RRP15: variants seen among roughly 807,000 people sequenced by gnomAD.
The protein encoded by RRP15 is RRP15-like protein.
In RRP15, 18 loss-of-function variants were observed where a neutral mutation model predicts 27.1. The ratio of observed to expected loss-of-function variants is 0.66; its 90% CI spans 0.46 to 0.98. The LOEUF (loss-of-function observed/expected upper bound fraction) is 0.98, where lower values mean the gene tolerates loss of function less well. Among genes scored for constraint, RRP15 ranks in the 50% least tolerant of loss-of-function variants. The pLI is 0.00. For missense variants in RRP15, 359 were observed against 337.8 expected (o/e 1.06, Z -0.49); for synonymous variants, 107 against 109.4 (o/e 0.98, Z 0.14).
At chr1:218,326,536 A>G (rs1484069805) in intron 4 of RRP15, among the ~76,000 whole-genome samples, 7 of 152,208 alleles carry the variant, frequency 4.6e-5, no homozygotes, top group Non-Finnish European at 8.8e-5. Flanking sequence ...AAAAAATTCA[A>G]CTGGAAGCTA....
chr1:218,299,352 A>C (rs1655774172), intron 1 of RRP15, among the ~76,000 whole-genome samples: 1 of 152,164 alleles, frequency 6.6e-6, no homozygotes, highest in Non-Finnish European at 1.5e-5. Context: ...GGTTGTATAA[A>C]ATGGTGCTAT....
At chr1:218,309,124 C>T (rs1261617911) in intron 4 of RRP15, among the ~76,000 whole-genome samples, 3 of 152,054 alleles carry the variant, frequency 2.0e-5, no homozygotes, top group Admixed American at 6.5e-5. Context: ...CTTCAGTGAT[C>T]ACAGTATTTG....
At chr1:218,289,923 C>G (rs1257209419) in intron 1 of RRP15, among the ~76,000 whole-genome samples, 1 of 152,166 alleles carries the variant, frequency 6.6e-6, no homozygotes, top group Non-Finnish European at 1.5e-5. Flanking sequence ...CTCAGGTGAT[C>G]CACCCACCTT....
chr1:218,337,116 T>C lies in RRP15; in HGVS notation c.*6025T>C, dbSNP rs1420801922. The C allele has an allele frequency of 1.3e-5, 2 of 152,156 alleles. No homozygotes were observed. Among genetic ancestry groups the C allele is most frequent in the African/African-American group, 2.4e-5 (1 of 41,436 alleles). The allele number at this position is 152,156 out of a possible 1,614,324, so 9.4% of individuals were successfully genotyped here. On this transcript the variant is annotated 3_prime_UTR_variant, in exon 5 of 5. Transcript: ENST00000366932. ...TATAGTTCAGGGTGTAAAGATTGGATTAATGTATGCAGTGTCTATCTAGCA... is the reference window on the plus strand; with the variant it reads ...TATAGTTCAGGGTGTAAAGATTGGACTAATGTATGCAGTGTCTATCTAGCA...
chr1:218,298,307 T>C (rs1265598639), intron 1 of RRP15, among the ~76,000 whole-genome samples: 1 of 152,196 alleles, frequency 6.6e-6, no homozygotes, highest in Non-Finnish European at 1.5e-5. Flanking sequence ...ATCCCAGATA[T>C]CTCTGGTCAC....
At chr1:218,286,356 C>T (rs942116564) in intron 1 of RRP15, among the ~76,000 whole-genome samples, 1 of 152,088 alleles carries the variant, frequency 6.6e-6, no homozygotes, top group South Asian at 2.1e-4. Flanking sequence ...TGTTTAACAC[C>T]TTAAACATGC....
At chr1:218,308,062 CTT>C (rs56813511) in intron 4 of RRP15, among the ~76,000 whole-genome samples, 2,116 of 66,548 alleles carry the variant, frequency 0.032, 1 homozygote, top group African/African-American at 0.054. Flanking sequence ...TTCTTTCTTT[CTT>C]TTTTTTTTTT....
chr1:218,300,848 G>A (rs1655800184), intron 1 of RRP15, among the ~76,000 whole-genome samples: 1 of 152,196 alleles, frequency 6.6e-6, no homozygotes, highest in Non-Finnish European at 1.5e-5. Context: ...AAATGCTGCA[G>A]TGCTTTTGGC....
chr1:218,326,848 G>C (rs899153031), intron 4 of RRP15, among the ~76,000 whole-genome samples: 1 of 152,162 alleles, frequency 6.6e-6, no homozygotes, highest in African/African-American at 2.4e-5. Flanking sequence ...TTGTGGAATG[G>C]GATGGGGAAG....
At chr1:218,325,993 C>T (rs1415081035) in intron 4 of RRP15, among the ~76,000 whole-genome samples, 1 of 151,950 alleles carries the variant, frequency 6.6e-6, no homozygotes, top group African/African-American at 2.4e-5. Context: ...TTGTTATTCT[C>T]CTAATGTTTC....
intron 1 of RRP15, among the ~76,000 whole-genome samples, chr1:218,295,721 A>C (rs1380041767): frequency 2.0e-5 from 3 of 152,250 alleles, no homozygotes; most frequent in African/African-American, 2.4e-5. Flanking sequence ...AGTATATCAT[A>C]GTCCTACTTG....
chr1:218,285,447 A>G lies in RRP15; in HGVS notation c.131A>G (p.Asp44Gly). The part of the protein sequence containing the change: ...VLEDEATDTS[D>G]SEGSCGSEKD... ...GAAGACGAGGCCACAGACACTTCTG[A>G]TAGTGAAGGTAATGTGGTAGGGCTG... The change falls in exon 1 of 5, where the codon GAT becomes GGT. Residue 44 changes from aspartate to glycine, a missense_variant. Physicochemically the swap from Asp to Gly is moderately conservative, Grantham distance 94 (BLOSUM62 -1). Coordinates refer to ENST00000366932, the MANE Select transcript of RRP15 (RefSeq NM_016052.4). 6.2e-7 allele frequency: 1 copy of G among 1,614,130 alleles called. No individual in the cohort carries two copies. Among genetic ancestry groups the G allele is most frequent in the African/African-American group, 1.3e-5 (1 of 75,038 alleles).
chr1:218,292,734 A>C (rs1305901872), intron 1 of RRP15, among the ~76,000 whole-genome samples: 1 of 152,240 alleles, frequency 6.6e-6, no homozygotes, highest in East Asian at 1.9e-4. Context: ...TGATCTGACC[A>C]CTGCTTGCCT....
intron 4 of RRP15, among the ~76,000 whole-genome samples, chr1:218,321,538 T>C (rs892452675): frequency 1.1e-4 from 16 of 152,226 alleles, no homozygotes; most frequent in African/African-American, 3.6e-4. Flanking sequence ...CTTTATCTTA[T>C]AGCTATAACC....
At chr1:218,310,563 G>A (rs34213712) in intron 4 of RRP15, among the ~76,000 whole-genome samples, 1 of 152,072 alleles carries the variant, frequency 6.6e-6, no homozygotes, top group Admixed American at 6.5e-5. Flanking sequence ...CCATACTTTA[G>A]GAGTGGTTTT....
chr1:218,326,199 G>C (rs1052792166), intron 4 of RRP15, among the ~76,000 whole-genome samples: 2 of 152,106 alleles, frequency 1.3e-5, no homozygotes, highest in African/African-American at 2.4e-5. Context: ...CCAGCTACTC[G>C]GGAGGCTGAG....
rs1473970309 is a variant in RRP15 at position 218,330,680 on chromosome 1, C to T, written c.706-268C>T. 5.9e-5 allele frequency among the ~76,000 whole-genome samples: 9 copies of T among 151,998 alleles called. No individual in the cohort carries two copies. The East Asian group carries it at 9.6e-4, about 16-fold the overall frequency. ...ACCTAGATTTATATTTTTTCCCTCA[C>T]TTCAAAAAAATTTTTTTATTTTGCT... On this transcript the variant is annotated intron_variant, in intron 4 of 4. Transcript: ENST00000366932.
intron 4 of RRP15, 38 bp downstream of exon 4, chr1:218,307,670 TC>T: frequency 1.4e-6 from 2 of 1,412,498 alleles, no homozygotes; most frequent in Non-Finnish European, 2.0e-6. Context: ...TATCAGACTT[TC>T]AGCTCTAAAA....
chr1:218,290,410 A>C lies in RRP15; in HGVS notation c.139+4955A>C, dbSNP rs537460189. 1.7e-4 allele frequency among the ~76,000 whole-genome samples: 26 copies of C among 152,288 alleles called. 1 individual carries two copies. The highest frequency in any genetic ancestry group is 3.8e-4 in the Non-Finnish European group (26 of 68,026). ...GTCAGAACATTTTTGTCATTTTATC[A>C]ATACATAACCTTGTCTTATGTGGAT... is the stretch of plus-strand genomic sequence containing the variant. On this transcript the variant is annotated intron_variant, in intron 1 of 4. Transcript: ENST00000366932.
Sources: gnomAD v4.1 joint callset for allele counts (sites outside exome capture counted in the v4.1 genomes callset) on GRCh38, gnomAD v4.1.1 for gene constraint, MANE v1.5 for transcripts, NCBI Gene and HGNC (gene_info 2026-07-23, HGNC 2026-07-21) for gene names.